The following SSH3 variants were observed in gnomAD, a reference collection of about 807,000 sequenced individuals.
SSH3 encodes the protein slingshot protein phosphatase 3, also known as protein phosphatase Slingshot homolog 3.
SSH3 carries 67 observed loss-of-function variants against 75.0 expected under a neutral mutation model. The observed-to-expected ratio is 0.89, with a 90% CI of 0.73 to 1.10. The LOEUF is 1.10. Among genes scored for constraint, SSH3 ranks in the 50% least tolerant of loss-of-function variants. The pLI is 0.00. For missense variants in SSH3, 824 were observed against 872.7 expected, an observed-to-expected ratio of 0.94 and a Z score of 0.70; for synonymous variants, 318 against 349.2, an observed-to-expected ratio of 0.91 and a Z score of 1.00.
intron 2 of SSH3, among the ~76,000 whole-genome samples, chr11:67,304,415 G>A (rs557239932): frequency 1.3e-4 from 20 of 152,340 alleles, no homozygotes; most frequent in East Asian, 3.9e-4. Context: ...GCCACGGGCC[G>A]AACGGCAGGA....
Position 67,306,937 on chromosome 11 carries a change from C to A in SSH3, c.439C>A (p.Leu147Met), listed in dbSNP as rs1364120026. 1 of 1,613,114 alleles carries A rather than the reference C, an allele frequency of 6.2e-7. No individual in the cohort carries two copies. Residue 147 changes from leucine to methionine, a missense_variant, in exon 4 of 14, where the codon CTG becomes ATG. Leu to Met is a conservative substitution (Grantham distance 15). Coordinates refer to ENST00000308127, the MANE Select transcript of SSH3 (RefSeq NM_017857.4). ...TCTGAGCCAGGATGAGACGGTCCTC[C>A]TGGGCGTGGATTTCCCTGACAGCAG... ...EGLSQDETVL[L>M]GVDFPDSSSP...
chr11:67,306,877 TA>T lies in SSH3; in HGVS notation c.380del (p.Tyr127SerfsTer4), dbSNP rs755083006. Reference protein sequence around the residue: ...LEAPRPPRLRYLLVVSTREGE... With the variant: ...LEAPRPPRLRXLLVVSTREGE... ...GGCACCCCGGCCTCCCCGGCTCCGC[TA>T]CCTGCTGGTAGTTTCTACACGAGAA... On this transcript the variant is annotated frameshift_variant, in exon 4 of 14. Transcript: ENST00000308127. 31 of 1,613,362 alleles carry T rather than the reference TA, an allele frequency of 1.9e-5. No individual in the cohort carries two copies. In the South Asian group the frequency reaches 3.2e-4, roughly 17 times the overall value.
intron 13 of SSH3, 143 bp from the exon 14 acceptor site, chr11:67,311,448 C>T (rs1861413062): frequency 1.9e-6 from 2 of 1,057,902 alleles, no homozygotes; most frequent in Non-Finnish European, 1.4e-6. Context: ...TGGCTTTTGG[C>T]GTGCGTGCCA....
rs938022105 is a variant in SSH3, at chr11:67,306,905, G to A, written c.407G>A (p.Gly136Glu). ...RYLLVVSTRE[G>E]EGLSQDETVL... ...CTGCTGGTAGTTTCTACACGAGAAG[G>A]AGAAGGTCTGAGCCAGGATGAGACG... The change falls in exon 4 of 14, where the codon GGA becomes GAA. Residue 136 changes from glycine (G) to glutamate (E), a missense_variant. Gly to Glu is a moderately conservative substitution (Grantham distance 98). Transcript: ENST00000308127. 6.2e-7 allele frequency: 1 copy of A among 1,613,788 alleles called. No homozygotes were observed. Among genetic ancestry groups the A allele is most frequent in the East Asian group, 2.2e-5 (1 of 44,872 alleles).
rs763269176 is a variant in SSH3, at chr11:67,308,453, G to A, written c.1056G>A (p.Arg352=). 1.9e-6 allele frequency: 3 copies of A among 1,593,712 alleles called. No homozygotes were observed. The highest frequency in any genetic ancestry group is 2.3e-5 in the South Asian group (2 of 88,828). ...CAGCAAACCTGGAGGAGCTGCAGAG[G>A]AACAGGTAGGGCTATGAGCCCCTCG... ...WNAANLEELQ[R]NRVTHILNMA... Residue 352 remains arginine, a synonymous_variant, in exon 10 of 14, where the codon AGG becomes AGA. Coordinates refer to ENST00000308127, the MANE Select transcript of SSH3 (RefSeq NM_017857.4). This position sits in a 1 kb window ranked among gnomAD's most constrained non-coding sequence, Gnocchi z 4.9.
At chr11:67,304,678 C>A in intron 2 of SSH3, 95 bp from the exon 3 acceptor site, 3 of 1,280,488 alleles carry the variant, frequency 2.3e-6, no homozygotes, top group Non-Finnish European at 3.3e-6. Context: ...TCCGTGTAGA[C>A]AAGGGCTGCA....
rs771956959 is a variant in SSH3 at position 67,307,093 on chromosome 11, G to T, written c.516G>T (p.Gln172His). ...GLVLPLWSDT[Q>H]VYLDGDGGFS... ...TCTTGCCCCTCTGGAGTGACACCCA[G>T]GTGTACTTAGATGGAGACGGGTAAG... is the stretch of plus-strand genomic sequence containing the variant. Residue 172 changes from glutamine (Q) to histidine (H), a missense_variant, in exon 5 of 14, where the codon CAG (glutamine) becomes CAT (histidine). Gln to His is a conservative substitution (Grantham distance 24). Transcript: ENST00000308127. This position sits in a 1 kb window ranked among gnomAD's most constrained non-coding sequence, Gnocchi z 4.2. 6.2e-7 allele frequency: 1 copy of T among 1,614,004 alleles called. No individual in the cohort carries two copies. The highest frequency in any genetic ancestry group is 1.7e-5 in the Admixed American group (1 of 60,024).
Position 67,306,711 on chromosome 11 carries a change from T to G in SSH3, c.340-127T>G. 3 of 1,164,684 alleles carry G rather than the reference T, an allele frequency of 2.6e-6. No individual in the cohort carries two copies. In the South Asian group the frequency reaches 4.9e-5, roughly 19 times the overall value. 72.1% of individuals were successfully genotyped at this position (1,164,684 alleles called of 1,614,324 possible). On this transcript the variant is annotated intron_variant, in intron 3 of 13. Coordinates refer to ENST00000308127, the MANE Select transcript of SSH3 (RefSeq NM_017857.4). ...ACAGTCCCTCTTTACCCACTGATTT[T>G]ACATCTGGGAAGAGGGGGGATGGGA...
At chr11:67,305,338 C>T (rs1322534626) in intron 3 of SSH3, among the ~76,000 whole-genome samples, 1 of 152,140 alleles carries the variant, frequency 6.6e-6, no homozygotes, top group Non-Finnish European at 1.5e-5. Context: ...AGGCACCCGC[C>T]ACTATGCCTG....
At chr11:67,306,416 A>G (rs1861246268) in intron 3 of SSH3, among the ~76,000 whole-genome samples, 1 of 152,158 alleles carries the variant, frequency 6.6e-6, no homozygotes, top group Non-Finnish European at 1.5e-5. Context: ...CCCAAGAAAC[A>G]TAGGGAAGAT....
chr11:67,304,269 C>A, intron 2 of SSH3, 114 bp downstream of exon 2: 1 of 852,232 alleles, frequency 1.2e-6, no homozygotes, highest in Non-Finnish European at 1.8e-6. Flanking sequence ...CAGCGAAGCC[C>A]ACTGCCAAAT....
intron 1 of SSH3, 86 bp from the exon 2 acceptor site, chr11:67,304,032 G>C (rs576880845): frequency 6.7e-7 from 1 of 1,482,508 alleles, no homozygotes; most frequent in African/African-American, 1.4e-5. Context: ...GCCTTTTCTG[G>C]CCTCCCCCAA....
intron 12 of SSH3, 36 bp from the exon 13 acceptor site, chr11:67,310,030 G>C (rs1408488213): frequency 6.2e-7 from 1 of 1,610,290 alleles, no homozygotes; most frequent in African/African-American, 1.3e-5. Context: ...TGGCTGCTGG[G>C]TCACTCAGAG....
chr11:67,307,477 T>A lies in SSH3; in HGVS notation c.602+41T>A. ...GCCTGGACTCAGGCCAGCCTCTCCT[T>A]CGAAGGAGGCTGCAGGGCCTGGGGA... is the stretch of plus-strand genomic sequence containing the variant. On this transcript the variant is annotated intron_variant, in intron 6 of 13. Coordinates refer to ENST00000308127, the MANE Select transcript of SSH3 (RefSeq NM_017857.4). This position sits in a 1 kb window ranked among gnomAD's most constrained non-coding sequence, Gnocchi z 4.2. The A allele has an allele frequency of 1.2e-6, 2 of 1,613,582 alleles. No individual in the cohort carries two copies.
chr11:67,306,554 T>G (rs1861250463), intron 3 of SSH3, among the ~76,000 whole-genome samples: 1 of 152,216 alleles, frequency 6.6e-6, no homozygotes, highest in Non-Finnish European at 1.5e-5. Context: ...TGAGCTGTGA[T>G]GGTGCCACTG....
Position 67,308,216 on chromosome 11 carries a change from C to T in SSH3, c.928C>T (p.Gln310Ter), listed in dbSNP as rs201982384. The T allele has an allele frequency of 1.5e-4, 241 of 1,613,950 alleles. No homozygotes were observed. Among genetic ancestry groups the T allele is most frequent in the Admixed American group, 8.0e-4 (48 of 60,010 alleles). ...GCTGCGCCTGGGGCTCCCCCTCCAG[C>T]AGTACCGTGACTTCATCGACAACCA... ...LELRLGLPLQ[Q>*]YRDFIDNQML... The change falls in exon 9 of 14, where the codon CAG becomes TAG. Residue 310 changes from glutamine (Q) to a stop codon, truncating the protein, a stop_gained. Coordinates refer to ENST00000308127, the MANE Select transcript of SSH3 (RefSeq NM_017857.4). LOFTEE classifies it high-confidence loss of function. The surrounding 1 kb of genome is among the most constrained non-coding windows in gnomAD (Gnocchi z 4.9).
In SSH3 at chr11:67,311,849, G is replaced by T. The variant is rs529456261; in HGVS notation, c.1942G>T (p.Ala648Ser). The change falls in exon 14 of 14, where the codon GCC becomes TCC. Residue 648 changes from alanine to serine, a missense_variant. Coordinates refer to ENST00000308127, the MANE Select transcript of SSH3 (RefSeq NM_017857.4). ...TPRFRKVVRQ[A>S]SVHDSGEEGE... ...CAGGTTCCGGAAGGTGGTGAGACAGGCCAGCGTGCATGACAGTGGAGAGGA... is the reference window on the plus strand; with the variant it reads ...CAGGTTCCGGAAGGTGGTGAGACAGTCCAGCGTGCATGACAGTGGAGAGGA... 1.9e-6 allele frequency: 3 copies of T among 1,612,646 alleles called. 1 individual carries two copies. The South Asian group carries it at 3.3e-5, about 18-fold the overall frequency.
chr11:67,310,347 TG>T lies in SSH3; in HGVS notation c.1683+12del. 6.3e-7 allele frequency: 1 copy of T among 1,596,616 alleles called. No homozygotes were observed. Among genetic ancestry groups the T allele is most frequent in the Non-Finnish European group, 8.6e-7 (1 of 1,169,426 alleles). On this transcript the variant is annotated intron_variant, in intron 13 of 13. Transcript: ENST00000308127. ...ACCAGTGACATGCCAGAGGTGAGGC[TG>T]GGGCTGGGGGAGCTCAGCTTGCAGG...
chr11:67,304,181 C>G (rs762569323), intron 2 of SSH3, 26 bp downstream of exon 2: 9 of 1,559,366 alleles, frequency 5.8e-6, no homozygotes, highest in Non-Finnish European at 7.0e-6. Context: ...CCCACGCAGA[C>G]ACTTCCGTCT....
Sources: gnomAD v4.1 joint callset for allele counts (sites outside exome capture counted in the v4.1 genomes callset) on GRCh38, gnomAD v4.1.1 for gene constraint, Gnocchi (gnomAD v3.1) non-coding constraint, MANE v1.5 for transcripts, NCBI Gene and HGNC (gene_info 2026-07-23, HGNC 2026-07-21) for gene names.